Variants in PRKN observed in about 807,000 individuals in gnomAD.
PRKN encodes parkin RBR E3 ubiquitin protein ligase.
Under a neutral mutation model 59.5 loss-of-function variants are expected in PRKN, and 56 were observed. The ratio of observed to expected loss-of-function variants is 0.94; its 90% confidence interval spans 0.76 to 1.18. PRKN has a LOEUF of 1.18. Ranked by LOEUF, PRKN falls within the 50% of genes most tolerant of loss-of-function variation. PRKN has a pLI of 0.00. For missense variants in PRKN, 657 were observed against 596.4 expected (o/e 1.10, Z -1.06); for synonymous variants, 250 against 222.1 (o/e 1.13, Z -1.12).
At chr6:162,075,082 A>G (rs1487360652) in intron 4 of PRKN, among the ~76,000 whole-genome samples, 1 of 152,216 alleles carries the variant, frequency 6.6e-6, no homozygotes, top group African/African-American at 2.4e-5. Context: ...TTTACTAAAA[A>G]TAGTCTGGCT....
In PRKN at chr6:162,516,489, C is replaced by T. The variant is rs532726125; in HGVS notation, c.8-73016G>A. Among the ~76,000 whole-genome samples, 200 of 152,276 alleles carry T rather than the reference C, an allele frequency of 1.3e-3. 1 individual carries two copies. Among genetic ancestry groups the T allele is most frequent in the African/African-American group, 4.5e-3 (188 of 41,574 alleles). ...ATTTCTGGCCAGGTGTGGTGGCTCACGCCAGTAATCCCAGCACTTTGGGAG... is the reference window on the plus strand; with the variant it reads ...ATTTCTGGCCAGGTGTGGTGGCTCATGCCAGTAATCCCAGCACTTTGGGAG... On this transcript the variant is annotated intron_variant, in intron 1 of 11. Transcript: ENST00000366898.
intron 4 of PRKN, among the ~76,000 whole-genome samples, chr6:162,152,200 T>C (rs1782301728): frequency 2.0e-5 from 3 of 152,296 alleles, no homozygotes; most frequent in South Asian, 2.1e-4. Context: ...CAAGCAACCC[T>C]GGGGGAGCTT....
At chr6:161,513,166 G>A (rs1357999972) in intron 9 of PRKN, among the ~76,000 whole-genome samples, 1 of 152,214 alleles carries the variant, frequency 6.6e-6, no homozygotes, top group Non-Finnish European at 1.5e-5. Flanking sequence ...AAATTTGGCT[G>A]CCTCTTAAGC....
At chr6:162,502,471 T>A (rs1793419721) in intron 1 of PRKN, among the ~76,000 whole-genome samples, 1 of 152,156 alleles carries the variant, frequency 6.6e-6, no homozygotes. Flanking sequence ...CAGTACCTCC[T>A]GAGATGAAGC....
chr6:161,916,900 G>A lies in PRKN; in HGVS notation c.734+56402C>T, dbSNP rs1030901813. On this transcript the variant is annotated intron_variant, in intron 6 of 11. Transcript: ENST00000366898. ...TGCAAGCTCCGCCTCCCGGGTTCACGCCATTCTCCTCCTGCCCCAGCCTCC... is the reference window on the plus strand; with the variant it reads ...TGCAAGCTCCGCCTCCCGGGTTCACACCATTCTCCTCCTGCCCCAGCCTCC... 5.3e-4 allele frequency among the ~76,000 whole-genome samples: 81 copies of A among 152,056 alleles called. 2 individuals carry two copies. The highest frequency in any genetic ancestry group is 3.2e-3 in the Middle Eastern group (1 of 316).
chr6:162,057,977 A>C (rs1394899462), intron 4 of PRKN, among the ~76,000 whole-genome samples: 1 of 152,216 alleles, frequency 6.6e-6, no homozygotes, highest in Non-Finnish European at 1.5e-5. Flanking sequence ...ATTACATGGC[A>C]AATTGCAAAT....
chr6:161,988,174 G>GA (rs1040275796), intron 5 of PRKN, among the ~76,000 whole-genome samples: 5 of 151,980 alleles, frequency 3.3e-5, no homozygotes, highest in African/African-American at 7.3e-5. Flanking sequence ...TTCCAAAGGG[G>GA]AAAAAAAATT....
chr6:162,551,117 A>C (rs1236776854), intron 1 of PRKN, among the ~76,000 whole-genome samples: 2 of 152,158 alleles, frequency 1.3e-5, no homozygotes, highest in Non-Finnish European at 2.9e-5. Context: ...TCCTCACTTC[A>C]AAGTAGTCTG....
chr6:161,862,571 A>G lies in PRKN; in HGVS notation c.735-76663T>C, dbSNP rs139318496. Among the ~76,000 whole-genome samples the G allele has an allele frequency of 3.8e-3, 584 of 152,204 alleles. 5 individuals are homozygous for G. The highest frequency in any genetic ancestry group is 0.013 in the African/African-American group (543 of 41,538). ...GATCTCAAGAGTATAAATTCCCATG[A>G]GCTCCCCTACTGTGACCCCAGCCTG... On this transcript the variant is annotated intron_variant, in intron 6 of 11. Transcript: ENST00000366898.
intron 6 of PRKN, among the ~76,000 whole-genome samples, chr6:161,955,701 T>C (rs1017757081): frequency 6.6e-6 from 1 of 152,034 alleles, no homozygotes; most frequent in African/African-American, 2.4e-5. Context: ...AAATACAAAA[T>C]TAGCCAGGCA....
chr6:161,679,505 C>T (rs9456699), intron 7 of PRKN, among the ~76,000 whole-genome samples: 64 of 150,856 alleles, frequency 4.2e-4, no homozygotes, highest in Non-Finnish European at 6.0e-4. Flanking sequence ...ACCACAGCCT[C>T]GGAAGGTACT....
intron 4 of PRKN, among the ~76,000 whole-genome samples, chr6:162,159,815 T>G (rs150053190): frequency 1.0e-3 from 157 of 152,316 alleles, no homozygotes; most frequent in African/African-American, 3.6e-3. Flanking sequence ...AATCTGCTAA[T>G]TTTTGGCAAA....
chr6:162,523,157 A>G (rs749384989), intron 1 of PRKN, among the ~76,000 whole-genome samples: 22 of 152,300 alleles, frequency 1.4e-4, no homozygotes, highest in African/African-American at 4.8e-4. Flanking sequence ...TTTAGAATTC[A>G]TCAAATTAGG....
intron 9 of PRKN, among the ~76,000 whole-genome samples, chr6:161,507,996 A>T (rs1195848038): frequency 6.6e-6 from 1 of 152,134 alleles, no homozygotes; most frequent in African/African-American, 2.4e-5. Flanking sequence ...CTATATTCTT[A>T]TTTTTGGTAG....
chr6:162,030,579 C>CCAAAACCCTTCCCTGCA (rs1582923675), intron 5 of PRKN, among the ~76,000 whole-genome samples: 2 of 152,298 alleles, frequency 1.3e-5, no homozygotes, highest in East Asian at 3.9e-4. Flanking sequence ...CCAGCACTTG[C>CCAAAACCCTTCCCTGCA]CAAAACCCTT....
intron 7 of PRKN, among the ~76,000 whole-genome samples, chr6:161,771,986 G>A (rs1208884350): frequency 5.9e-5 from 9 of 152,242 alleles, no homozygotes; most frequent in African/African-American, 1.9e-4. Context: ...CGCACAGGGA[G>A]GAAGAATAAA....
At chr6:162,181,333 A>C (rs1332939116) in intron 4 of PRKN, among the ~76,000 whole-genome samples, 1 of 152,232 alleles carries the variant, frequency 6.6e-6, no homozygotes, top group Non-Finnish European at 1.5e-5. Context: ...TATTTCTGGT[A>C]CTGAAACCAA....
intron 2 of PRKN, among the ~76,000 whole-genome samples, chr6:162,375,452 GC>G (rs892407235): frequency 7.9e-5 from 12 of 151,104 alleles, no homozygotes; most frequent in Admixed American, 2.6e-4. Context: ...CTACAAAAGA[GC>G]CTTAACATGG....
chr6:162,112,676 G>A (rs1780491605), intron 4 of PRKN, among the ~76,000 whole-genome samples: 2 of 152,010 alleles, frequency 1.3e-5, no homozygotes, highest in Non-Finnish European at 2.9e-5. Flanking sequence ...AGCACTTTGG[G>A]AGTCTAAGAC....
Sources: allele counts gnomAD v4.1 joint callset (sites outside exome capture counted in the v4.1 genomes callset), GRCh38; gene constraint gnomAD v4.1.1; transcripts MANE v1.5; gene names NCBI Gene and HGNC (gene_info 2026-07-23, HGNC 2026-07-21).